CEP63: variants seen among roughly 807,000 people sequenced by gnomAD.
CEP63 encodes centrosomal protein 63.
Under a neutral mutation model 89.1 loss-of-function variants are expected in CEP63, and 84 were observed. The observed-to-expected ratio is 0.94, with a 90% CI of 0.79 to 1.13. The LOEUF is 1.13. Among genes scored for constraint, CEP63 ranks in the 50% most tolerant of loss-of-function variants. The pLI is 0.00. For missense variants in CEP63, 838 were observed against 813.3 expected (o/e 1.03, Z -0.37); for synonymous variants, 267 against 272.5 (o/e 0.98, Z 0.20).
chr3:134,504,047 G>T (rs1248473653), intron 2 of CEP63, among the ~76,000 whole-genome samples: 4 of 151,516 alleles, frequency 2.6e-5, no homozygotes, highest in African/African-American at 9.7e-5. Flanking sequence ...CTTTCTGGTG[G>T]TCTTGTATAT....
At chr3:134,692,152 C>T in the CEP63 span, among the ~76,000 whole-genome samples, 1 of 151,852 alleles carries the variant, frequency 6.6e-6, no homozygotes, top group East Asian at 1.9e-4. Flanking sequence ...GGTACATGTG[C>T]ACAACGTGCA....
At chr3:134,692,626 A>G in the CEP63 span, among the ~76,000 whole-genome samples, 1 of 152,258 alleles carries the variant, frequency 6.6e-6, no homozygotes, top group Non-Finnish European at 1.5e-5. Flanking sequence ...TTAGAAAAGT[A>G]GTCTAACATC....
At chr3:134,605,955 T>C in the CEP63 span, among the ~76,000 whole-genome samples, 2 of 152,250 alleles carry the variant, frequency 1.3e-5, no homozygotes, top group Non-Finnish European at 2.9e-5. Context: ...TCATGCTATT[T>C]TATTTGTCTA....
chr3:134,685,048 A>G, the CEP63 span, among the ~76,000 whole-genome samples: 5 of 152,206 alleles, frequency 3.3e-5, no homozygotes, highest in Admixed American at 1.3e-4. Flanking sequence ...GTTAGGCTGC[A>G]CGTGTTTCAT....
At chr3:134,607,558 G>A in the CEP63 span, 4 of 985,462 alleles carry the variant, frequency 4.1e-6, no homozygotes, top group Non-Finnish European at 4.8e-6. Flanking sequence ...CGACTTACAG[G>A]GCTGTGCAGC....
At chr3:134,596,189 G>A in the CEP63 span, among the ~76,000 whole-genome samples, 6 of 152,030 alleles carry the variant, frequency 3.9e-5, no homozygotes, top group South Asian at 2.1e-4. Flanking sequence ...AATTTGGAGC[G>A]GGAACAAATC....
the CEP63 span, among the ~76,000 whole-genome samples, chr3:134,592,879 G>C: frequency 1.3e-5 from 2 of 152,044 alleles, no homozygotes; most frequent in Non-Finnish European, 2.9e-5. Flanking sequence ...TTCCGTGTCT[G>C]AGTATATTGC....
chr3:134,525,187 C>T (rs1028591559), intron 3 of CEP63, among the ~76,000 whole-genome samples: 1 of 152,102 alleles, frequency 6.6e-6, no homozygotes, highest in Admixed American at 6.5e-5. Context: ...TTATAGTATT[C>T]TCTGACGTTT....
chr3:134,778,253 A>G, the CEP63 span, among the ~76,000 whole-genome samples: 4 of 151,322 alleles, frequency 2.6e-5, no homozygotes, highest in Non-Finnish European at 4.4e-5. Context: ...GTGCACCACC[A>G]CACCCCACTA....
chr3:134,671,007 G>A, the CEP63 span, among the ~76,000 whole-genome samples: 3 of 152,248 alleles, frequency 2.0e-5, no homozygotes, highest in East Asian at 5.8e-4. Flanking sequence ...TGTGGTAAAA[G>A]TCTAAAAAAT....
chr3:134,710,087 C>T, the CEP63 span, among the ~76,000 whole-genome samples: 41 of 152,214 alleles, frequency 2.7e-4, no homozygotes, highest in Non-Finnish European at 4.9e-4. Context: ...GGTGGGGACC[C>T]ACGCTTCAGT....
the CEP63 span, among the ~76,000 whole-genome samples, chr3:134,709,484 A>G: frequency 9.3e-6 from 1 of 107,466 alleles, no homozygotes; most frequent in Non-Finnish European, 1.8e-5. Context: ...TCCCAGAAAT[A>G]ACTGGGGGGT....
chr3:134,770,120 A>G, the CEP63 span, among the ~76,000 whole-genome samples: 1 of 152,242 alleles, frequency 6.6e-6, no homozygotes, highest in Non-Finnish European at 1.5e-5. Flanking sequence ...CCAAATGGCC[A>G]GGCTTCTCCA....
the CEP63 span, among the ~76,000 whole-genome samples, chr3:134,701,297 T>TATATATACATATACACAC: frequency 3.8e-3 from 192 of 49,876 alleles, 56 homozygotes; most frequent in East Asian, 0.016. Context: ...TATATATGTG[T>TATATATACATATACACAC]ATATATACGT....
At chr3:134,543,167 TTAA>T (rs1475660262) in intron 6 of CEP63, among the ~76,000 whole-genome samples, 1 of 152,310 alleles carries the variant, frequency 6.6e-6, no homozygotes, top group East Asian at 1.9e-4. Context: ...GAAATTAATT[TTAA>T]TAATATATTC....
chr3:134,554,782 G>C (rs1386349799), intron 12 of CEP63, among the ~76,000 whole-genome samples: 1 of 152,148 alleles, frequency 6.6e-6, no homozygotes, highest in Non-Finnish European at 1.5e-5. Context: ...CATTCTAACT[G>C]GTGTGAGATG....
the CEP63 span, among the ~76,000 whole-genome samples, chr3:134,766,907 G>A: frequency 6.6e-6 from 1 of 152,198 alleles, no homozygotes; most frequent in Admixed American, 6.5e-5. Flanking sequence ...GACCAACCCT[G>A]TTTTTAACAA....
At chr3:134,740,443 A>G in the CEP63 span, among the ~76,000 whole-genome samples, 6 of 151,958 alleles carry the variant, frequency 3.9e-5, no homozygotes, top group South Asian at 2.1e-4. Context: ...GACTACAGGC[A>G]CCCATTACTA....
At chr3:134,532,152 AAT>A (rs1347993058) in intron 4 of CEP63, among the ~76,000 whole-genome samples, 22 of 152,218 alleles carry the variant, frequency 1.4e-4, no homozygotes, top group Admixed American at 9.8e-4. Flanking sequence ...GAGATGCTAA[AAT>A]ATGTTTCTTG....
Sources: allele counts gnomAD v4.1 joint callset (sites outside exome capture counted in the v4.1 genomes callset), GRCh38; gene constraint gnomAD v4.1.1; transcripts MANE v1.5; gene names NCBI Gene and HGNC (gene_info 2026-07-23, HGNC 2026-07-21).